UTRN: variants seen among roughly 807,000 people sequenced by gnomAD.
The protein encoded by UTRN is utrophin.
A neutral mutation model predicts 463.9 loss-of-function variants in UTRN; 283 were observed. The observed-to-expected ratio is 0.61, with a 90% CI of 0.55 to 0.67. The LOEUF (loss-of-function observed/expected upper bound fraction) is 0.67. Among genes scored for constraint, UTRN ranks in the 30% least tolerant of loss-of-function variants. UTRN has a pLI of 0.00. For synonymous variants in UTRN, 1,442 were observed against 1,431.5 expected (o/e 1.01, Z -0.17); for missense variants, 3,922 against 4,084.3 (o/e 0.96, Z 1.08).
intron 51 of UTRN, among the ~76,000 whole-genome samples, chr6:144,637,283 T>G (rs1240242653): frequency 6.6e-6 from 1 of 152,208 alleles, no homozygotes; most frequent in Non-Finnish European, 1.5e-5. Flanking sequence ...TGCTTCTTGA[T>G]TTCTATCATA....
intron 2 of UTRN, among the ~76,000 whole-genome samples, chr6:144,381,226 A>G (rs1780889521): frequency 6.6e-6 from 1 of 151,894 alleles, no homozygotes; most frequent in Admixed American, 6.6e-5. Context: ...CTATATATCC[A>G]TGTGTTGTCA....
intron 50 of UTRN, among the ~76,000 whole-genome samples, chr6:144,560,372 T>TA (rs1250205523): frequency 1.3e-5 from 2 of 152,150 alleles, no homozygotes; most frequent in African/African-American, 4.8e-5. Context: ...TACTGATTCT[T>TA]ATCTGTGTTG....
At chr6:144,370,674 A>T (rs907011017) in intron 2 of UTRN, among the ~76,000 whole-genome samples, 2 of 152,120 alleles carry the variant, frequency 1.3e-5, no homozygotes, top group African/African-American at 4.8e-5. Flanking sequence ...GACAGCTAAC[A>T]TCGTGCACCT....
rs1801709733 is a variant in UTRN, at chr6:144,579,008, G to A, written c.7479+1720G>A. On this transcript the variant is annotated intron_variant, in intron 51 of 74. Transcript: ENST00000367545. The stretch of plus-strand genomic sequence containing the variant: ...ACAATTTGAAAAACAGATCTTTTTG[G>A]AATGAGCTTATTTATAAATTGTCCC... Among the ~76,000 whole-genome samples, 3 of 152,166 alleles carry A rather than the reference G, an allele frequency of 2.0e-5. No individual in the cohort carries two copies. In the South Asian group the frequency reaches 6.2e-4, roughly 32 times the overall value.
intron 65 of UTRN, among the ~76,000 whole-genome samples, chr6:144,806,156 A>G (rs1778128438): frequency 6.6e-6 from 1 of 152,214 alleles, no homozygotes; most frequent in Admixed American, 6.5e-5. Context: ...TACCTAAACA[A>G]TTTGAAACCC....
chr6:144,423,419 T>C (rs933879812), intron 4 of UTRN, 130 bp from the exon 5 acceptor site: 49 of 847,836 alleles, frequency 5.8e-5, no homozygotes, highest in Non-Finnish European at 8.4e-5. Flanking sequence ...ACCTGAGACC[T>C]CAGCCAGATC....
intron 34 of UTRN, among the ~76,000 whole-genome samples, chr6:144,502,392 A>C (rs1794282145): frequency 6.6e-6 from 1 of 151,964 alleles, no homozygotes; most frequent in South Asian, 2.1e-4. Context: ...TATTTCTCCT[A>C]ATGCTACCCC....
chr6:144,291,902 G>A lies in UTRN; in HGVS notation c.74G>A (p.Arg25Lys), dbSNP rs1804279674. The A allele has an allele frequency of 6.2e-7, 1 of 1,609,426 alleles. No individual in the cohort carries two copies. Among genetic ancestry groups the A allele is most frequent in the East Asian group, 2.2e-5 (1 of 44,564 alleles). The stretch of plus-strand genomic sequence containing the variant: ...GAATTCAGTGATATCATTAAGTCCA[G>A]ATCTGGTAGGTAAAGGAAGCTCAAG... ...QNEFSDIIKS[R>K]SDEHNDVQKK... is the part of the protein sequence containing the mutation. The change falls in exon 2 of 75, where the codon AGA (arginine) becomes AAA (lysine). Residue 25 changes from arginine (R) to lysine (K), a missense_variant. Coordinates refer to ENST00000367545, the MANE Select transcript of UTRN (RefSeq NM_007124.3).
At chr6:144,695,043 A>G (rs896008533) in intron 52 of UTRN, among the ~76,000 whole-genome samples, 2 of 149,596 alleles carry the variant, frequency 1.3e-5, no homozygotes, top group Non-Finnish European at 3.0e-5. Flanking sequence ...TTTAATATGC[A>G]TTGGTTCTGT....
chr6:144,399,772 G>T (rs1467317447), intron 2 of UTRN, among the ~76,000 whole-genome samples: 1 of 152,170 alleles, frequency 6.6e-6, no homozygotes, highest in African/African-American at 2.4e-5. Context: ...GCTACGTTCT[G>T]CTAAAACAAT....
At chr6:144,845,534 A>AC (rs1457077399) in intron 73 of UTRN, among the ~76,000 whole-genome samples, 1 of 152,232 alleles carries the variant, frequency 6.6e-6, no homozygotes, top group African/African-American at 2.4e-5. Flanking sequence ...TCAGGCAAAT[A>AC]CCCATAGCCT....
At chr6:144,418,097 G>C (rs1319497416) in intron 3 of UTRN, among the ~76,000 whole-genome samples, 4 of 152,052 alleles carry the variant, frequency 2.6e-5, no homozygotes, top group Non-Finnish European at 5.9e-5. Context: ...TAAACAAATA[G>C]ATGCAGAAAG....
intron 65 of UTRN, among the ~76,000 whole-genome samples, chr6:144,804,358 G>C (rs1437664452): frequency 6.6e-6 from 1 of 152,118 alleles, no homozygotes; most frequent in African/African-American, 2.4e-5. Context: ...AAATTTGTGA[G>C]ACATCATTTA....
intron 66 of UTRN, among the ~76,000 whole-genome samples, chr6:144,822,637 T>C (rs1779701942): frequency 6.6e-6 from 1 of 152,148 alleles, no homozygotes; most frequent in African/African-American, 2.4e-5. Flanking sequence ...CAGTAGACTT[T>C]TGGTCCTCTT....
intron 2 of UTRN, among the ~76,000 whole-genome samples, chr6:144,325,094 G>A (rs1000752067): frequency 1.3e-5 from 2 of 152,168 alleles, no homozygotes; most frequent in Admixed American, 1.3e-4. Flanking sequence ...AGCATGGCAA[G>A]GCTCTGAATA....
intron 54 of UTRN, among the ~76,000 whole-genome samples, chr6:144,741,525 G>A (rs887788416): frequency 1.3e-5 from 2 of 152,090 alleles, no homozygotes; most frequent in Non-Finnish European, 2.9e-5. Context: ...ACAGTAGTAG[G>A]CAAAACAGAT....
chr6:144,329,089 T>C (rs1776168478), intron 2 of UTRN, among the ~76,000 whole-genome samples: 1 of 147,132 alleles, frequency 6.8e-6, no homozygotes, highest in African/African-American at 2.5e-5. Flanking sequence ...CTGGCCTTTT[T>C]TTTTTTTTTT....
chr6:144,341,796 G>A (rs907411801), intron 2 of UTRN, among the ~76,000 whole-genome samples: 10 of 152,340 alleles, frequency 6.6e-5, no homozygotes, highest in African/African-American at 2.2e-4. Context: ...GAACCCTTTG[G>A]TAGAGGAAGC....
intron 23 of UTRN, among the ~76,000 whole-genome samples, chr6:144,467,732 C>A (rs1790104452): frequency 6.6e-6 from 1 of 152,046 alleles, no homozygotes. Flanking sequence ...ATGATTTAAC[C>A]CTTCTTAGGT....
Sources: allele counts gnomAD v4.1 joint callset (sites outside exome capture counted in the v4.1 genomes callset), GRCh38; gene constraint gnomAD v4.1.1; transcripts MANE v1.5; gene names NCBI Gene and HGNC (gene_info 2026-07-23, HGNC 2026-07-21).